FBXL13: variants seen among roughly 807,000 people sequenced by gnomAD.
The protein encoded by FBXL13 is F-box and leucine rich repeat protein 13.
A neutral mutation model predicts 83.6 loss-of-function variants in FBXL13; 67 were observed. The ratio of observed to expected loss-of-function variants is 0.80; its 90% CI spans 0.66 to 0.98. The LOEUF (loss-of-function observed/expected upper bound fraction) is 0.98. Ranked by LOEUF, FBXL13 falls within the 50% of genes least tolerant of loss-of-function variation. The probability of loss-of-function intolerance (pLI) is 0.00; values close to 1 mark genes in which losing one functional copy is unlikely to be tolerated. For missense variants in FBXL13, 822 were observed against 866.5 expected (o/e 0.95, Z 0.64); for synonymous variants, 272 against 299.5 (o/e 0.91, Z 0.95).
chr7:102,934,116 A>G lies in FBXL13; in HGVS notation c.725-2183T>C, dbSNP rs773992171. The G allele has an allele frequency of 7.4e-6, 12 of 1,613,960 alleles. No individual in the cohort carries two copies. In the East Asian group the frequency reaches 1.6e-4, roughly 21 times the overall value. The stretch of plus-strand genomic sequence containing the variant: ...CTCCATGAGAAATACTTAGATTGTC[A>G]AGAAAGAAAATTAGTTTATGTGCTG... On this transcript the variant is annotated intron_variant, in intron 8 of 19. Coordinates refer to ENST00000313221, the Ensembl canonical transcript of FBXL13.
chr7:102,826,817 C>G (rs1799815274), intron 18 of FBXL13, among the ~76,000 whole-genome samples: 1 of 128,356 alleles, frequency 7.8e-6, no homozygotes, highest in East Asian at 2.1e-4. Context: ...ATAAATGTAT[C>G]TTATATATAA....
intron 14 of FBXL13, among the ~76,000 whole-genome samples, chr7:102,878,909 T>C (rs1809622539): frequency 6.6e-6 from 1 of 152,238 alleles, no homozygotes; most frequent in South Asian, 2.1e-4. Context: ...ATGAGCCCTT[T>C]GGCTTCTTTC....
At chr7:103,034,160 C>T (rs1794826612) in intron 2 of FBXL13, among the ~76,000 whole-genome samples, 1 of 152,208 alleles carries the variant, frequency 6.6e-6, no homozygotes, top group African/African-American at 2.4e-5. Context: ...CCACTAGACT[C>T]AGGAGACCAG....
chr7:102,951,681 C>G (rs1157524300), intron 8 of FBXL13, among the ~76,000 whole-genome samples: 1 of 151,016 alleles, frequency 6.6e-6, no homozygotes, highest in Non-Finnish European at 1.5e-5. Flanking sequence ...GGTGTGGCCA[C>G]CTGTAGTCCT....
At chr7:103,010,066 C>T (rs1339587795) in intron 6 of FBXL13, among the ~76,000 whole-genome samples, 2 of 152,150 alleles carry the variant, frequency 1.3e-5, no homozygotes, top group Non-Finnish European at 2.9e-5. Context: ...TGACCCCGCC[C>T]ACCCCACTAC....
At chr7:102,871,054 C>T (rs1411130278) in intron 16 of FBXL13, among the ~76,000 whole-genome samples, 1 of 152,140 alleles carries the variant, frequency 6.6e-6, no homozygotes, top group African/African-American at 2.4e-5. Flanking sequence ...GACCTTCTTT[C>T]TTTAGTCTCC....
intron 6 of FBXL13, among the ~76,000 whole-genome samples, chr7:102,987,294 A>T (rs1489225703): frequency 6.6e-6 from 1 of 152,186 alleles, no homozygotes; most frequent in African/African-American, 2.4e-5. Context: ...ACCTAAAGTT[A>T]TTGAAATTTA....
At chr7:102,896,269 C>T (rs1165566715) in intron 11 of FBXL13, among the ~76,000 whole-genome samples, 1 of 152,100 alleles carries the variant, frequency 6.6e-6, no homozygotes, top group Non-Finnish European at 1.5e-5. Context: ...TTAAAGGATG[C>T]CTCTAGATAT....
chr7:102,872,021 C>T (rs149588342), intron 16 of FBXL13, among the ~76,000 whole-genome samples: 78 of 152,324 alleles, frequency 5.1e-4, no homozygotes, highest in African/African-American at 1.8e-3. Flanking sequence ...CCCTACACAT[C>T]ACCCATTGGT....
intron 9 of FBXL13, among the ~76,000 whole-genome samples, chr7:102,931,641 A>G (rs1432935913): frequency 6.6e-6 from 1 of 152,186 alleles, no homozygotes; most frequent in Non-Finnish European, 1.5e-5. Flanking sequence ...AATACAGTTC[A>G]TTTTGGGTAG....
chr7:102,882,109 A>C (rs1810177847), intron 14 of FBXL13, among the ~76,000 whole-genome samples: 1 of 152,102 alleles, frequency 6.6e-6, no homozygotes, highest in Admixed American at 6.5e-5. Flanking sequence ...AAAATTTAAA[A>C]ACTAGCTGGA....
intron 19 of FBXL13, 129 bp downstream of exon 20, chr7:102,821,911 G>T (rs1308546467): frequency 1.9e-6 from 2 of 1,060,460 alleles, no homozygotes; most frequent in Non-Finnish European, 2.7e-6. Context: ...CTTCAATTAG[G>T]CAAAAAATAA....
intron 6 of FBXL13, among the ~76,000 whole-genome samples, chr7:102,984,937 C>T (rs976131963): frequency 6.6e-6 from 1 of 152,132 alleles, no homozygotes; most frequent in African/African-American, 2.4e-5. Context: ...CATACTTACA[C>T]CAAAAAATAA....
intron 6 of FBXL13, among the ~76,000 whole-genome samples, chr7:102,984,317 A>G (rs1828668911): frequency 6.6e-6 from 1 of 152,334 alleles, no homozygotes; most frequent in African/African-American, 2.4e-5. Flanking sequence ...TCTCCAGAGA[A>G]AAAGAACCAA....
intron 1 of FBXL13, among the ~76,000 whole-genome samples, chr7:103,065,778 T>C (rs1380075864): frequency 2.6e-5 from 4 of 152,202 alleles, no homozygotes; most frequent in African/African-American, 9.6e-5. Context: ...TAGGTTGCCC[T>C]GAGACAGAGA....
intron 11 of FBXL13, among the ~76,000 whole-genome samples, chr7:102,901,472 C>A (rs1220817673): frequency 6.6e-6 from 1 of 152,106 alleles, no homozygotes; most frequent in African/African-American, 2.4e-5. Context: ...CTATAGTTAC[C>A]TTGTTATGCT....
intron 1 of FBXL13, among the ~76,000 whole-genome samples, chr7:103,064,309 C>G (rs1798191833): frequency 6.6e-6 from 1 of 152,166 alleles, no homozygotes; most frequent in African/African-American, 2.4e-5. Context: ...GGTCCAACCC[C>G]AGAGATGGGG....
intron 6 of FBXL13, among the ~76,000 whole-genome samples, chr7:103,007,779 C>G (rs1791137159): frequency 6.6e-6 from 1 of 151,924 alleles, no homozygotes; most frequent in Non-Finnish European, 1.5e-5. Context: ...TAGATTGGGC[C>G]AAGCAGAGTA....
chr7:102,967,092 C>G (rs1826047345), intron 7 of FBXL13, among the ~76,000 whole-genome samples: 1 of 152,056 alleles, frequency 6.6e-6, no homozygotes, highest in East Asian at 1.9e-4. Flanking sequence ...GCCTCAGCCT[C>G]CCGAGTAGCT....
Sources: allele counts gnomAD v4.1 joint callset (sites outside exome capture counted in the v4.1 genomes callset), GRCh38; gene constraint gnomAD v4.1.1; transcripts MANE v1.5; gene names NCBI Gene and HGNC (gene_info 2026-07-23, HGNC 2026-07-21).